STK32B: variants seen among roughly 807,000 people sequenced by gnomAD.
STK32B encodes the protein serine/threonine kinase 32B, also known as serine/threonine-protein kinase 32B.
Under a neutral mutation model 52.6 loss-of-function variants are expected in STK32B, and 43 were observed. The observed-to-expected ratio is 0.82, with a 90% CI of 0.64 to 1.05. STK32B has a LOEUF of 1.05. Ranked by LOEUF, STK32B falls within the 50% of genes least tolerant of loss-of-function variation. The pLI is 0.00. For missense variants in STK32B, 621 were observed against 534.6 expected (o/e 1.16, Z -1.59); for synonymous variants, 238 against 204.3 (o/e 1.17, Z -1.41).
intron 3 of STK32B, among the ~76,000 whole-genome samples, chr4:5,297,982 T>C (rs1729315349): frequency 6.6e-6 from 1 of 152,230 alleles, no homozygotes; most frequent in African/African-American, 2.4e-5. Flanking sequence ...GGCATCCTTT[T>C]TGTTGATGTC....
At chr4:5,138,538 T>A (rs899449014) in intron 1 of STK32B, among the ~76,000 whole-genome samples, 3 of 152,214 alleles carry the variant, frequency 2.0e-5, no homozygotes, top group African/African-American at 7.2e-5. Flanking sequence ...CAGTCATTCC[T>A]CCTGTTAATG....
At chr4:5,419,230 G>C (rs3774842) in intron 6 of STK32B, among the ~76,000 whole-genome samples, 69,664 of 151,952 alleles carry the variant, frequency 0.46, 17,978 homozygotes, top group African/African-American at 0.69. Flanking sequence ...AGACCTATCT[G>C]TTGTATTGTT....
chr4:5,462,234 A>G (rs763249278), intron 9 of STK32B, among the ~76,000 whole-genome samples: 6 of 150,692 alleles, frequency 4.0e-5, no homozygotes, highest in Non-Finnish European at 8.8e-5. Context: ...GTGCCTGTGT[A>G]TCTGCGTGTG....
chr4:5,168,414 T>C lies in STK32B; in HGVS notation c.224T>C (p.Met75Thr). Residue 75 changes from methionine to threonine, a missense_variant, in exon 3 of 12, where the codon ATG (methionine) becomes ACG (threonine). Transcript: ENST00000282908. Reference sequence around the variant, plus strand: ...AATGTTTTCCGGGAGCTGCAGATCATGCAAGGGCTGGAGCACCCCTTCCTG... The same window carrying C: ...AATGTTTTCCGGGAGCTGCAGATCACGCAAGGGCTGGAGCACCCCTTCCTG... ...VRNVFRELQIMQGLEHPFLVN... is the reference protein window; with the variant it reads ...VRNVFRELQITQGLEHPFLVN... 1 of 1,613,892 alleles carries C rather than the reference T, an allele frequency of 6.2e-7. No individual in the cohort carries two copies. The highest frequency in any genetic ancestry group is 8.5e-7 in the Non-Finnish European group (1 of 1,179,948).
At chr4:5,361,698 G>A (rs993717039) in intron 4 of STK32B, among the ~76,000 whole-genome samples, 5 of 152,224 alleles carry the variant, frequency 3.3e-5, no homozygotes, top group Non-Finnish European at 7.3e-5. Context: ...GTAATAAAGA[G>A]CTTAAACTGG....
At chr4:5,099,449 T>C (rs28513106) in intron 1 of STK32B, among the ~76,000 whole-genome samples, 833 of 36,158 alleles carry the variant, frequency 0.023, 10 homozygotes, top group African/African-American at 0.14. Context: ...TGTGTGTGTG[T>C]GCGCGCGCGC....
At chr4:5,494,939 C>A (rs796807789) in intron 11 of STK32B, among the ~76,000 whole-genome samples, 1 of 152,152 alleles carries the variant, frequency 6.6e-6, no homozygotes, top group Admixed American at 6.5e-5. Flanking sequence ...TTCTGCCTAG[C>A]GATCAGCTGT....
At position 5,159,345 on chromosome 4, in the gene STK32B, G is replaced by C. The variant is rs79182064; in HGVS notation, c.109-8954G>C. Among the ~76,000 whole-genome samples the C allele has an allele frequency of 3.5e-3, 534 of 151,786 alleles. 12 individuals carry two copies. The East Asian group carries it at 0.054, about 15-fold the overall frequency. ...GTATGGTGGCTACAGTGGCTCCCTAGGCTGGTAGGAAGTTGAACTGAGGTA... is the reference window on the plus strand; with the variant it reads ...GTATGGTGGCTACAGTGGCTCCCTACGCTGGTAGGAAGTTGAACTGAGGTA... On this transcript the variant is annotated intron_variant, in intron 2 of 11. Coordinates refer to ENST00000282908, the MANE Select transcript of STK32B (RefSeq NM_018401.3).
chr4:5,057,494 A>G (rs994039072), intron 1 of STK32B, among the ~76,000 whole-genome samples: 3 of 152,210 alleles, frequency 2.0e-5, no homozygotes, highest in Non-Finnish European at 4.4e-5. Context: ...GTGAGAGAGA[A>G]GGCAAAGCTT....
chr4:5,495,479 G>T (rs1039784132), intron 11 of STK32B, among the ~76,000 whole-genome samples: 8 of 152,072 alleles, frequency 5.3e-5, no homozygotes, highest in African/African-American at 1.9e-4. Context: ...ACATTCGTCT[G>T]AATTTTTTTC....
intron 4 of STK32B, among the ~76,000 whole-genome samples, chr4:5,336,501 A>G (rs1199833420): frequency 6.6e-6 from 1 of 152,160 alleles, no homozygotes; most frequent in Non-Finnish European, 1.5e-5. Flanking sequence ...AATAACTATG[A>G]TCAGTATGTT....
chr4:5,242,957 T>A (rs1206946242), intron 3 of STK32B, among the ~76,000 whole-genome samples: 5 of 152,192 alleles, frequency 3.3e-5, no homozygotes, highest in East Asian at 3.9e-4. Context: ...TGGTACCAGT[T>A]GCATTCTGTC....
rs112952470 is a variant in STK32B at position 5,150,866 on chromosome 4, T to C, written c.108+10906T>C. On this transcript the variant is annotated intron_variant, in intron 2 of 11. Coordinates refer to ENST00000282908, the MANE Select transcript of STK32B (RefSeq NM_018401.3). ...AATATTTTAGAGTAGTGTCTCATCT[T>C]AATGTTGAGATTTTATGGCTTCAGG... Among the ~76,000 whole-genome samples, 1,015 of 152,282 alleles carry C rather than the reference T, an allele frequency of 6.7e-3. 9 individuals carry two copies. The highest frequency in any genetic ancestry group is 0.023 in the African/African-American group (965 of 41,560).
intron 3 of STK32B, among the ~76,000 whole-genome samples, chr4:5,195,428 C>T (rs1019440493): frequency 4.6e-5 from 7 of 152,168 alleles, no homozygotes; most frequent in Non-Finnish European, 1.0e-4. Flanking sequence ...TGCAGTGGCT[C>T]ATGTCAGTAA....
At chr4:5,372,724 G>T (rs1002457239) in intron 4 of STK32B, among the ~76,000 whole-genome samples, 21 of 150,562 alleles carry the variant, frequency 1.4e-4, no homozygotes, top group Admixed American at 9.9e-4. Flanking sequence ...GAAAGTTGGG[G>T]GGGGGGGCGG....
intron 3 of STK32B, among the ~76,000 whole-genome samples, chr4:5,194,421 T>A (rs1721482806): frequency 6.6e-6 from 1 of 152,166 alleles, no homozygotes; most frequent in African/African-American, 2.4e-5. Flanking sequence ...TTCTCAAGGG[T>A]AGGGACCTTG....
chr4:5,124,485 C>T (rs1715240617), intron 1 of STK32B, among the ~76,000 whole-genome samples: 1 of 152,132 alleles, frequency 6.6e-6, no homozygotes, highest in Admixed American at 6.6e-5. Context: ...GTGGCCAGGA[C>T]TGAGTTTGGT....
chr4:5,340,957 G>A (rs1733034765), intron 4 of STK32B, among the ~76,000 whole-genome samples: 1 of 152,116 alleles, frequency 6.6e-6, no homozygotes, highest in Non-Finnish European at 1.5e-5. Context: ...GAGAGATTGG[G>A]TGATTTGCCC....
intron 1 of STK32B, among the ~76,000 whole-genome samples, chr4:5,087,499 A>G (rs958886182): frequency 2.6e-5 from 4 of 152,016 alleles, no homozygotes; most frequent in African/African-American, 9.6e-5. Context: ...TAAAAGATAG[A>G]TATTGGCAGA....
Sources: allele counts gnomAD v4.1 joint callset (sites outside exome capture counted in the v4.1 genomes callset), GRCh38; gene constraint gnomAD v4.1.1; transcripts MANE v1.5; gene names NCBI Gene and HGNC (gene_info 2026-07-23, HGNC 2026-07-21).